CACNA1B: variants seen among roughly 807,000 people sequenced by gnomAD.
CACNA1B encodes voltage-dependent N-type calcium channel subunit alpha-1B.
In CACNA1B, 70 loss-of-function variants were observed where a neutral mutation model predicts 247.2. That is an observed-to-expected ratio of 0.28 (90% confidence interval 0.23 to 0.35). The LOEUF (loss-of-function observed/expected upper bound fraction) is 0.35. CACNA1B is among the 10% of genes least tolerant of loss of function. The probability of loss-of-function intolerance (pLI) is 1.00; values close to 1 mark genes in which losing one functional copy is unlikely to be tolerated. For synonymous variants in CACNA1B, 1,231 were observed against 1,294.4 expected, an observed-to-expected ratio of 0.95 and a Z score of 1.05; for missense variants, 2,367 against 3,197.4, an observed-to-expected ratio of 0.74 and a Z score of 6.26.
chr9:137,965,905 C>T (rs963247370), intron 10 of CACNA1B, among the ~76,000 whole-genome samples: 16 of 152,104 alleles, frequency 1.1e-4, no homozygotes, highest in African/African-American at 3.4e-4. Context: ...TATGAAGTTC[C>T]TCTTGTATTT....
chr9:137,922,416 A>T (rs1369960409), intron 6 of CACNA1B, among the ~76,000 whole-genome samples: 1 of 152,266 alleles, frequency 6.6e-6, no homozygotes. Flanking sequence ...CTGGGAGCAG[A>T]GTAAAGCGTT....
Position 138,023,810 on chromosome 9 carries a change from CG to C in CACNA1B, c.3068+1del. 7.4e-7 allele frequency: 1 copy of C among 1,351,296 alleles called. No homozygotes were observed. Among genetic ancestry groups the C allele is most frequent in the Non-Finnish European group, 1.0e-6 (1 of 966,422 alleles). The allele number at this position is 1,351,296 out of a possible 1,614,324, so 83.7% of individuals were successfully genotyped here. A position where few individuals can be genotyped will look rare whatever the true frequency, so the allele number is the denominator to read the frequency against. ...KEKELRNHQP[R>X]EPHCDLETSG... ...AAAGGAGCTCCGGAACCACCAGCCC[CG>C]GTGAGTCCGCGGCTGGGCGGGGTCA... On this transcript the variant is annotated frameshift_variant and splice_region_variant, in exon 19 of 47. Transcript: ENST00000371372. LOFTEE classifies it high-confidence loss of function.
At chr9:137,984,957 A>G (rs1419635936) in intron 13 of CACNA1B, among the ~76,000 whole-genome samples, 1 of 152,214 alleles carries the variant, frequency 6.6e-6, no homozygotes, top group Admixed American at 6.5e-5. Context: ...GACTCTCCTC[A>G]CAGCAGTCTC....
rs1961224964 is a variant in CACNA1B at position 138,100,803 on chromosome 9, C to T, written c.5223-1908C>T. Among the ~76,000 whole-genome samples, 1 of 152,108 alleles carries T rather than the reference C, an allele frequency of 6.6e-6. No homozygotes were observed. The highest frequency in any genetic ancestry group is 1.5e-5 in the Non-Finnish European group (1 of 68,004). ...CAGAGGGTTTGGCTGACCTGGGAGG[C>T]CCAGGGAGCATCGTCACTCAGGGAG... On this transcript the variant is annotated intron_variant, in intron 37 of 46. Coordinates refer to ENST00000371372, the MANE Select transcript of CACNA1B (RefSeq NM_000718.4). The surrounding 1 kb of genome is among the most constrained non-coding windows in gnomAD (Gnocchi z 4.6).
At chr9:138,034,454 T>G (rs144730333) in intron 20 of CACNA1B, among the ~76,000 whole-genome samples, 5,302 of 151,746 alleles carry the variant, frequency 0.035, 143 homozygotes, top group Middle Eastern at 0.092. Flanking sequence ...TCATAGTTTT[T>G]TTTTTTTTTT....
chr9:138,011,909 A>C lies in CACNA1B; in HGVS notation c.2161-1220A>C, dbSNP rs1457669897. On this transcript the variant is annotated intron_variant, in intron 17 of 46. Transcript: ENST00000371372. The surrounding 1 kb of genome is among the most constrained non-coding windows in gnomAD (Gnocchi z 4.2). ...GTCTGGGCTTCAGGATTTTGAGGAA[A>C]CAGTGGTGGCCCCAGCAGTCCAGAT... is the stretch of plus-strand genomic sequence containing the variant. Among the ~76,000 whole-genome samples, 1 of 152,142 alleles carries C rather than the reference A, an allele frequency of 6.6e-6. No individual in the cohort carries two copies. The highest frequency in any genetic ancestry group is 1.5e-5 in the Non-Finnish European group (1 of 68,014).
intron 3 of CACNA1B, among the ~76,000 whole-genome samples, chr9:137,903,834 T>G (rs373978878): frequency 6.6e-6 from 1 of 152,232 alleles, no homozygotes; most frequent in South Asian, 2.1e-4. Flanking sequence ...TTGTATTGAT[T>G]GGCGGCATTT....
intron 32 of CACNA1B, 55 bp downstream of exon 32, chr9:138,069,818 T>G: frequency 6.5e-7 from 1 of 1,547,280 alleles, no homozygotes; most frequent in Non-Finnish European, 8.9e-7. Flanking sequence ...CTCGCTCTGC[T>G]CCTCTCCTGC....
chr9:138,067,947 C>T (rs926838060), intron 31 of CACNA1B, among the ~76,000 whole-genome samples: 1 of 152,238 alleles, frequency 6.6e-6, no homozygotes, highest in Non-Finnish European at 1.5e-5. Context: ...CAGAATGTGC[C>T]AGTTGTTAGG....
Position 138,122,047 on chromosome 9 carries a change from A to C in CACNA1B, c.*48A>C. 6.6e-7 allele frequency: 1 copy of C among 1,509,702 alleles called. No individual in the cohort carries two copies. Among genetic ancestry groups the C allele is most frequent in the Non-Finnish European group, 8.9e-7 (1 of 1,124,538 alleles). 93.5% of individuals were successfully genotyped at this position (1,509,702 alleles called of 1,614,324 possible). A position where few individuals can be genotyped will look rare whatever the true frequency, so the allele number is the denominator to read the frequency against. On this transcript the variant is annotated 3_prime_UTR_variant, in exon 47 of 47. Transcript: ENST00000371372. ...CCTGCATGCAGCAGGCGTGTGTTCC[A>C]GTGGATGAGTTTTATCATCCACACG...
chr9:138,073,704 G>T lies in CACNA1B; in HGVS notation c.4791+100G>T. The T allele has an allele frequency of 4.0e-6, 3 of 751,752 alleles. No individual in the cohort carries two copies. Among genetic ancestry groups the T allele is most frequent in the Non-Finnish European group, 4.7e-6 (2 of 422,564 alleles). 46.6% of individuals were successfully genotyped at this position (751,752 alleles called of 1,614,324 possible). A position where few individuals can be genotyped will look rare whatever the true frequency, so the allele number is the denominator to read the frequency against. On this transcript the variant is annotated intron_variant, in intron 33 of 46. Transcript: ENST00000371372. The surrounding 1 kb of genome is among the most constrained non-coding windows in gnomAD (Gnocchi z 6.4). ...CCCCTCCTTTGGGAGGCTGGGAGAG[G>T]GTATGGCATGCAGGTTTCGTGGTTG...
At position 138,011,398 on chromosome 9, in the gene CACNA1B, A is replaced by C. The variant is rs2133420579; in HGVS notation, c.2160+1321A>C. 6.6e-6 allele frequency among the ~76,000 whole-genome samples: 1 copy of C among 152,176 alleles called. No individual in the cohort carries two copies. Among genetic ancestry groups the C allele is most frequent in the African/African-American group, 2.4e-5 (1 of 41,510 alleles). On this transcript the variant is annotated intron_variant, in intron 17 of 46. Coordinates refer to ENST00000371372, the MANE Select transcript of CACNA1B (RefSeq NM_000718.4). This position sits in a 1 kb window ranked among gnomAD's most constrained non-coding sequence, Gnocchi z 4.2. ...TTTTGTGTAACTGGCCTCATTTAGG[A>C]ATTTCTTCTCTGAGGATCGGGGCCA...
At chr9:138,022,814 G>GT (rs1359993251) in intron 18 of CACNA1B, among the ~76,000 whole-genome samples, 197 bp from the exon 19 acceptor site, 1 of 150,814 alleles carries the variant, frequency 6.6e-6, no homozygotes, top group Non-Finnish European at 1.5e-5. Flanking sequence ...GTGGGGGGGG[G>GT]GGGCGGCGGG....
intron 15 of CACNA1B, among the ~76,000 whole-genome samples, chr9:138,002,566 A>C (rs1316452521): frequency 7.1e-6 from 1 of 141,784 alleles, no homozygotes; most frequent in African/African-American, 2.8e-5. Flanking sequence ...AAAAAAAAAT[A>C]GCTGATGGTG....
chr9:138,096,540 C>T lies in CACNA1B; in HGVS notation c.5151C>T (p.Asp1717=). ...ACAATTTTGAGTACCTCACGCGGGA[C>T]TCTTCCATCCTAGGTCCTCACCACT... ...IMDNFEYLTR[D]SSILGPHHLD... The change falls in exon 37 of 47, where the codon GAC becomes GAT. Residue 1717 remains aspartate (D), a synonymous_variant. Transcript: ENST00000371372. The T allele has an allele frequency of 6.2e-7, 1 of 1,612,792 alleles. No individual in the cohort carries two copies. Among genetic ancestry groups the T allele is most frequent in the Non-Finnish European group, 8.5e-7 (1 of 1,179,036 alleles).
At chr9:137,983,162 A>G (rs570994908) in intron 12 of CACNA1B, among the ~76,000 whole-genome samples, 54 of 152,346 alleles carry the variant, frequency 3.5e-4, no homozygotes, top group African/African-American at 1.2e-3. Flanking sequence ...TGGAAAATAT[A>G]TGTCCCAAAT....
intron 36 of CACNA1B, among the ~76,000 whole-genome samples, chr9:138,094,211 T>G (rs1960977092): frequency 6.6e-6 from 1 of 152,110 alleles, no homozygotes; most frequent in Non-Finnish European, 1.5e-5. Flanking sequence ...ATAAGTTACC[T>G]ATAGTAGTCA....
At chr9:138,069,812 C>G in intron 32 of CACNA1B, 49 bp downstream of exon 32, 2 of 1,559,140 alleles carry the variant, frequency 1.3e-6, no homozygotes, top group Non-Finnish European at 1.8e-6. Flanking sequence ...GCTTTGCTCG[C>G]TCTGCTCCTC....
rs377467706 is a variant in CACNA1B, at chr9:138,117,971, G to A, written c.5803G>A (p.Glu1935Lys). 26 of 1,591,234 alleles carry A rather than the reference G, an allele frequency of 1.6e-5. No individual in the cohort carries two copies. The highest frequency in any genetic ancestry group is 2.6e-6 in the Non-Finnish European group (3 of 1,166,506). Residue 1935 changes from glutamate (E) to lysine (K), a missense_variant, in exon 43 of 47, where the codon GAG (glutamate) becomes AAG (lysine). Coordinates refer to ENST00000371372, the MANE Select transcript of CACNA1B (RefSeq NM_000718.4). The part of the protein sequence containing the change: ...AIQNQESGIK[E>K]SVSWGTQRTQ... ...ACAAAACCAAGAGAGTGGCATCAAA[G>A]AGTCTGTCTCCTGGGGCACTCAAAG...
Sources: allele counts gnomAD v4.1 joint callset (sites outside exome capture counted in the v4.1 genomes callset), GRCh38; gene constraint gnomAD v4.1.1; non-coding constraint Gnocchi (gnomAD v3.1); transcripts MANE v1.5; gene names NCBI Gene and HGNC (gene_info 2026-07-23, HGNC 2026-07-21).